The following S100A5 variants were observed in gnomAD, a reference collection of about 807,000 sequenced individuals.
S100A5 encodes the protein S100 calcium binding protein A5, also known as protein S100-A5.
Under a neutral mutation model 6.7 loss-of-function variants are expected in S100A5, and 5 were observed. That is an observed-to-expected ratio of 0.75 (90% CI 0.39 to 1.57). The LOEUF (loss-of-function observed/expected upper bound fraction) is 1.57. Ranked by LOEUF, S100A5 falls within the 40% of genes most tolerant of loss-of-function variation. The pLI, the probability that S100A5 is intolerant of heterozygous loss-of-function variation, is 0.03. For missense variants in S100A5, 129 were observed against 110.8 expected (o/e 1.16, Z -0.74); for synonymous variants, 49 against 44.9 (o/e 1.09, Z -0.37).
chr1:153,539,169 T>C (rs1665284970), intron 2 of S100A5, among the ~76,000 whole-genome samples: 1 of 151,804 alleles, frequency 6.6e-6, no homozygotes, highest in South Asian at 2.1e-4. Flanking sequence ...GGCTCACGCC[T>C]GTAATCCCAA....
intron 2 of S100A5, among the ~76,000 whole-genome samples, chr1:153,539,496 C>T (rs1450351612): frequency 1.5e-4 from 19 of 127,164 alleles, no homozygotes; most frequent in South Asian, 4.8e-4. Flanking sequence ...TATTTATCCT[C>T]GGGGATATTG....
intron 2 of S100A5, among the ~76,000 whole-genome samples, chr1:153,538,690 G>C (rs1571232383): frequency 6.6e-6 from 1 of 152,216 alleles, no homozygotes; most frequent in African/African-American, 2.4e-5. Flanking sequence ...AGGTGTGATA[G>C]ATGGAGAGGC....
At chr1:153,543,645 AC>A, upstream of S100A5, 1 of 1,032,334 alleles carries the variant, frequency 9.7e-7, no homozygotes, top group South Asian at 1.6e-5. Flanking sequence ...TCTTTATTGA[AC>A]TTGCTCAGCA....
intron 2 of S100A5, among the ~76,000 whole-genome samples, chr1:153,537,773 T>C (rs1665231948): frequency 1.3e-5 from 2 of 152,038 alleles, no homozygotes; most frequent in Admixed American, 1.3e-4. Flanking sequence ...CTGGGTCAGG[T>C]GTGGTGGCTC....
rs73024502 is a variant in S100A5 at position 153,537,284 on chromosome 1, G to A, written c.*12C>T. 9,719 of 1,610,622 alleles carry A rather than the reference G, an allele frequency of 6.0e-3. 499 individuals are homozygous for A. In the African/African-American group the frequency reaches 0.11, roughly 18 times the overall value. On this transcript the variant is annotated 3_prime_UTR_variant, in exon 3 of 3. Coordinates refer to ENST00000368717, the MANE Select transcript of S100A5 (RefSeq NM_001394232.1). The stretch of plus-strand genomic sequence containing the variant: ...GCAAAGGGTGGAGGGTGAGGGTGGA[G>A]GGCAGCCCTGGTCACTTGTTGTCCT...
At chr1:153,543,562 C>T, upstream of S100A5, 1 of 626,714 alleles carries the variant, frequency 1.6e-6, no homozygotes, top group South Asian at 2.0e-5. Context: ...ACCACCACCC[C>T]ACAACATATC....
intron 2 of S100A5, among the ~76,000 whole-genome samples, chr1:153,539,424 CAAAAAAAAAAAAAAAAA>C (rs149327889): frequency 6.3e-4 from 22 of 35,138 alleles, no homozygotes; most frequent in African/African-American, 2.7e-3. Flanking sequence ...GAGACTCTCT[CAAAAAAAAAAAAAAAAA>C]AAAAAAAAAA....
Position 153,540,069 on chromosome 1 carries a change from C to T in S100A5, c.123G>A (p.Glu41=), listed in dbSNP as rs775499138. The part of the protein sequence containing the change: ...RKELKELIKK[E]LCLGEMKESS... ...AATCACCTACCTCCCCAAGACACAG[C>T]TCTTTCTTGATCAGCTCCTTGAGTT... The change falls in exon 2 of 3, where the codon GAG becomes GAA. Residue 41 remains glutamate, a synonymous_variant. Coordinates refer to ENST00000368717, the MANE Select transcript of S100A5 (RefSeq NM_001394232.1). 47 of 1,614,032 alleles carry T rather than the reference C, an allele frequency of 2.9e-5. No individual in the cohort carries two copies. In the East Asian group the frequency reaches 9.6e-4, roughly 33 times the overall value.
At chr1:153,543,589 A>C, upstream of S100A5, 1 of 725,538 alleles carries the variant, frequency 1.4e-6, no homozygotes. Context: ...TCCCCAACCC[A>C]CGCCCCCAGA....
At chr1:153,540,401 G>A (rs1196159467) in intron 1 of S100A5, among the ~76,000 whole-genome samples, 196 bp from the exon 2 acceptor site, 1 of 152,194 alleles carries the variant, frequency 6.6e-6, no homozygotes, top group South Asian at 2.1e-4. Context: ...GCTGGTACAA[G>A]GAGAACAGCA....
chr1:153,539,465 ATATATATATATTTATT>A (rs1457367154), intron 2 of S100A5, among the ~76,000 whole-genome samples: 17 of 126,326 alleles, frequency 1.3e-4, no homozygotes, highest in African/African-American at 5.5e-4. Flanking sequence ...ATATATATAT[ATATATATATATTTATT>A]TATTTATTTA....
Position 153,537,520 on chromosome 1 carries a change from C to T in S100A5, c.139-84G>A, listed in dbSNP as rs79329328. On this transcript the variant is annotated intron_variant, in intron 2 of 2. Transcript: ENST00000368717. ...CCACTGCATGGTGTCATCCCCACCC[C>T]GAAACTTCAGGGTGAGCCCCAGCTG... 4.5e-4 allele frequency: 686 copies of T among 1,535,964 alleles called. 2 individuals carry two copies. In the African/African-American group the frequency reaches 8.4e-3, roughly 19 times the overall value.
At chr1:153,542,183 A>G (rs534000215), upstream of S100A5, among the ~76,000 whole-genome samples, 61 of 152,314 alleles carry the variant, frequency 4.0e-4, no homozygotes, top group African/African-American at 1.4e-3. Flanking sequence ...GGAGACACTC[A>G]GACATCGTTC....
At chr1:153,540,310 G>A in intron 1 of S100A5, 105 bp from the exon 2 acceptor site, 1 of 1,188,308 alleles carries the variant, frequency 8.4e-7, no homozygotes, top group Non-Finnish European at 1.2e-6. Context: ...TGGAACCCAG[G>A]ATGAGACTGA....
chr1:153,538,496 C>T (rs1455721599), intron 2 of S100A5, among the ~76,000 whole-genome samples: 1 of 152,212 alleles, frequency 6.6e-6, no homozygotes, highest in Non-Finnish European at 1.5e-5. Context: ...CTCTGGGCGT[C>T]TCTCCTTCTG....
chr1:153,539,903 G>T, intron 2 of S100A5, 151 bp downstream of exon 2: 2 of 858,714 alleles, frequency 2.3e-6, no homozygotes, highest in South Asian at 1.7e-5. Context: ...AGTTTTGCTG[G>T]CCCGAAATCC....
At position 153,540,048 on chromosome 1, in the gene S100A5, AC is replaced by A. The variant is rs1201517583; in HGVS notation, c.138+5del. The A allele has an allele frequency of 1.2e-6, 2 of 1,613,776 alleles. No homozygotes were observed. The highest frequency in any genetic ancestry group is 2.7e-5 in the African/African-American group (2 of 74,954). Reference sequence around the variant, plus strand: ...TGGGGTGGAGGATGAGGGAACAATCACCTACCTCCCCAAGACACAGCTCTTT... The same window carrying A: ...TGGGGTGGAGGATGAGGGAACAATCACTACCTCCCCAAGACACAGCTCTTT... On this transcript the variant is annotated splice_donor_5th_base_variant and intron_variant, in intron 2 of 2. Transcript: ENST00000368717.
chr1:153,538,818 T>C (rs576210469), intron 2 of S100A5, among the ~76,000 whole-genome samples: 8 of 152,300 alleles, frequency 5.3e-5, no homozygotes, highest in South Asian at 2.1e-4. Flanking sequence ...TATTTGAGCA[T>C]TGATTTTTTT....
upstream of S100A5, among the ~76,000 whole-genome samples, chr1:153,542,603 T>C (rs775179135): frequency 4.6e-5 from 7 of 151,598 alleles, no homozygotes; most frequent in Non-Finnish European, 8.8e-5. Flanking sequence ...CAAGAGGAGG[T>C]CAGTGGGACA....
Sources: gnomAD v4.1 joint callset for allele counts (sites outside exome capture counted in the v4.1 genomes callset) on GRCh38, gnomAD v4.1.1 for gene constraint, MANE v1.5 for transcripts, NCBI Gene and HGNC (gene_info 2026-07-23, HGNC 2026-07-21) for gene names.